The following PAH variants were observed in gnomAD, a reference collection of about 807,000 sequenced individuals.
PAH encodes phenylalanine hydroxylase, also known as phenylalanine-4-hydroxylase.
A neutral mutation model predicts 62.0 loss-of-function variants in PAH; 64 were observed. The observed-to-expected ratio is 1.03, with a 90% CI of 0.84 to 1.27. PAH has a LOEUF of 1.27. PAH is among the 50% of genes most tolerant of loss of function. PAH has a pLI of 0.00. For missense variants in PAH, 579 were observed against 542.8 expected (o/e 1.07, Z -0.66); for synonymous variants, 195 against 196.2 (o/e 0.99, Z 0.05).
At chr12:102,902,230 G>T (rs3847931) in intron 2 of PAH, among the ~76,000 whole-genome samples, 56,076 of 152,160 alleles carry the variant, frequency 0.37, 11,607 homozygotes, top group African/African-American at 0.55. Flanking sequence ...CAAGGAGACC[G>T]GTGTGACTGG....
chr12:102,916,199 A>C (rs1027879092), intron 1 of PAH, among the ~76,000 whole-genome samples: 1 of 152,074 alleles, frequency 6.6e-6, no homozygotes, highest in Non-Finnish European at 1.5e-5. Flanking sequence ...CAGTCTTTCT[A>C]GTTATATTAA....
intron 4 of PAH, among the ~76,000 whole-genome samples, chr12:102,869,775 C>G (rs1224016313): frequency 1.3e-5 from 2 of 152,212 alleles, no homozygotes; most frequent in Admixed American, 6.5e-5. Flanking sequence ...TCTTGGGGAT[C>G]TGGCCTTGCA....
intron 2 of PAH, chr12:102,904,823 C>T: frequency 2.4e-6 from 1 of 425,280 alleles, no homozygotes; most frequent in South Asian, 1.8e-5. Flanking sequence ...AGACTATGCA[C>T]ACCACAGTCC....
At chr12:102,949,611 G>T (rs1277009897) in intron 1 of PAH, among the ~76,000 whole-genome samples, 2 of 152,206 alleles carry the variant, frequency 1.3e-5, no homozygotes, top group African/African-American at 2.4e-5. Context: ...ACGTGTCAAA[G>T]GGTGTGTGTA....
chr12:102,941,740 T>C (rs1879299673), intron 1 of PAH, among the ~76,000 whole-genome samples: 1 of 152,140 alleles, frequency 6.6e-6, no homozygotes, highest in Admixed American at 6.5e-5. Context: ...AGTGATCAAG[T>C]AGACTATATT....
At chr12:102,933,063 A>G (rs1386987408) in intron 1 of PAH, among the ~76,000 whole-genome samples, 1 of 152,216 alleles carries the variant, frequency 6.6e-6, no homozygotes, top group Non-Finnish European at 1.5e-5. Context: ...GTCAAATACT[A>G]GACGTTTTTC....
In PAH at chr12:102,922,931, G is replaced by A. The variant is rs528445286; in HGVS notation, c.-95-5706C>T. On this transcript the variant is annotated intron_variant, in intron 1 of 3. Transcript: ENST00000546844. The stretch of plus-strand genomic sequence containing the variant: ...AAAAAAACCAGATATAAATTGGACT[G>A]TCTCCGTTAAACGGTTATGTATGGT... 4.9e-4 allele frequency among the ~76,000 whole-genome samples: 75 copies of A among 152,292 alleles called. 1 individual carries two copies. Among genetic ancestry groups the A allele is most frequent in the Middle Eastern group, 3.4e-3 (1 of 294 alleles).
rs531258802 is a variant in PAH, at chr12:102,868,780, A to G, written c.442-2117T>C. 4.6e-5 allele frequency among the ~76,000 whole-genome samples: 7 copies of G among 152,282 alleles called. No individual in the cohort carries two copies. In the South Asian group the frequency reaches 6.2e-4, roughly 14 times the overall value. ...AACATTTATTTGTCCATATCTCCAT[A>G]CTTGGGGCTCAAAATAAACATGTAA... On this transcript the variant is annotated intron_variant, in intron 4 of 12. Transcript: ENST00000553106.
At chr12:102,846,024 C>G (rs1431121171) in intron 9 of PAH, among the ~76,000 whole-genome samples, 2 of 152,158 alleles carry the variant, frequency 1.3e-5, no homozygotes, top group Non-Finnish European at 2.9e-5. Flanking sequence ...TCTGTAGCCT[C>G]TGGCATTTAA....
upstream of PAH, among the ~76,000 whole-genome samples, chr12:102,951,994 T>C (rs1463081827): frequency 6.6e-6 from 1 of 152,120 alleles, no homozygotes; most frequent in Admixed American, 6.5e-5. Context: ...CAGCGTCCAG[T>C]TGTCATATTA....
rs138895019 is a variant in PAH, at chr12:102,857,151, A to G, written c.510-1819T>C. ...TCCTTAAATGACCTGATGGAGCTGA[A>G]AACCATGGCACGAGAACTACGTGAC... On this transcript the variant is annotated intron_variant, in intron 5 of 12. Coordinates refer to ENST00000553106, the MANE Select transcript of PAH (RefSeq NM_000277.3). 9.7e-3 allele frequency among the ~76,000 whole-genome samples: 1,481 copies of G among 152,360 alleles called. 16 individuals carry two copies. The highest frequency in any genetic ancestry group is 0.033 in the African/African-American group (1,363 of 41,578).
chr12:102,867,922 TATATAGATGTATATATA>T (rs1444074707), intron 4 of PAH, among the ~76,000 whole-genome samples: 2 of 142,634 alleles, frequency 1.4e-5, no homozygotes, highest in Non-Finnish European at 3.1e-5. Context: ...TGTATATACA[TATATAGATGTATATATA>T]CATGTATATA....
intron 3 of PAH, 57 bp downstream of exon 3, chr12:102,894,677 GT>G: frequency 7.9e-7 from 1 of 1,267,906 alleles, no homozygotes; most frequent in Non-Finnish European, 1.2e-6. Flanking sequence ...GTATATTGCT[GT>G]TATTTTATGA....
Position 102,903,396 on chromosome 12 carries a change from CA to C in PAH, c.169-8479del, listed in dbSNP as rs1359715485. Among the ~76,000 whole-genome samples, 11 of 118,670 alleles carry C rather than the reference CA, an allele frequency of 9.3e-5. No homozygotes were observed. In the East Asian group the frequency reaches 1.7e-3, roughly 18 times the overall value. The allele number at this position is 118,670 out of a possible 152,430, so 77.9% of individuals were successfully genotyped here. ...AACACACACACACACAAAAAACAAA[CA>C]AAAAAAAACAACCTTATGTATGGAG... On this transcript the variant is annotated intron_variant, in intron 2 of 12. Transcript: ENST00000553106.
rs971940127 is a variant in PAH, at chr12:102,837,860, T to C, written c.*1315A>G. On this transcript the variant is annotated 3_prime_UTR_variant, in exon 13 of 13. Transcript: ENST00000553106. ...CCTGATAGAATTTGGCTATGAATAA[T>C]TAAAAAAATGGGGTACTTAAAAATA... 1 of 152,068 alleles carries C rather than the reference T, an allele frequency of 6.6e-6. No individual in the cohort carries two copies. Among genetic ancestry groups the C allele is most frequent in the African/African-American group, 2.4e-5 (1 of 41,412 alleles). 9.4% of individuals were successfully genotyped at this position (152,068 alleles called of 1,614,324 possible). A position where few individuals can be genotyped will look rare whatever the true frequency, so the allele number is the denominator to read the frequency against.
intron 11 of PAH, among the ~76,000 whole-genome samples, chr12:102,841,177 C>T (rs1874578702): frequency 6.6e-6 from 1 of 152,176 alleles, no homozygotes; most frequent in Non-Finnish European, 1.5e-5. Flanking sequence ...GGAAGGAACC[C>T]AGGCAGTCTG....
chr12:102,851,757 C>T lies in PAH; in HGVS notation c.843-1G>A, dbSNP rs1373264140. On this transcript the variant is annotated splice_acceptor_variant, in intron 7 of 12. Coordinates refer to ENST00000553106, the MANE Select transcript of PAH (RefSeq NM_000277.3). LOFTEE classifies it high-confidence loss of function. ...TCCCAACAGCTCATGGCAGATGTCA[C>T]TGAAAGACAGAAAGCACAGAGAGCT... The T allele has an allele frequency of 6.2e-7, 1 of 1,613,788 alleles. No homozygotes were observed. Among genetic ancestry groups the T allele is most frequent in the Non-Finnish European group, 8.5e-7 (1 of 1,179,744 alleles).
chr12:102,920,555 A>G (rs1217716808), upstream of PAH, among the ~76,000 whole-genome samples: 3 of 152,220 alleles, frequency 2.0e-5, no homozygotes, highest in Non-Finnish European at 4.4e-5. Context: ...ATCATAATCC[A>G]TGAGTTCATG....
At chr12:102,927,305 T>C (rs1161697003) in intron 1 of PAH, among the ~76,000 whole-genome samples, 1 of 146,092 alleles carries the variant, frequency 6.8e-6, no homozygotes, top group Non-Finnish European at 1.5e-5. Context: ...TTTTTCTGAC[T>C]CATTGCTCCT....
Sources: allele counts gnomAD v4.1 joint callset (sites outside exome capture counted in the v4.1 genomes callset), GRCh38; gene constraint gnomAD v4.1.1; transcripts MANE v1.5; gene names NCBI Gene and HGNC (gene_info 2026-07-23, HGNC 2026-07-21).